PRDM7: variants seen among roughly 807,000 people sequenced by gnomAD.
PRDM7 encodes PR/SET domain 7.
A neutral mutation model predicts 64.3 loss-of-function variants in PRDM7; 52 were observed. The ratio of observed to expected loss-of-function variants is 0.81; its 90% CI spans 0.65 to 1.02. The LOEUF is 1.02. PRDM7 is among the 50% of genes least tolerant of loss of function. PRDM7 has a pLI of 0.00. For missense variants in PRDM7, 574 were observed against 597.1 expected, an observed-to-expected ratio of 0.96 and a Z score of 0.40; for synonymous variants, 192 against 210.1, an observed-to-expected ratio of 0.91 and a Z score of 0.74.
chr16:90,063,834 A>C lies in PRDM7; in HGVS notation c.352-66T>G, dbSNP rs570378000. 1.2e-5 allele frequency: 19 copies of C among 1,552,896 alleles called. No individual in the cohort carries two copies. The Admixed American group carries it at 3.5e-4, about 28-fold the overall frequency. On this transcript the variant is annotated intron_variant, in intron 5 of 10. Coordinates refer to ENST00000449207, the MANE Select transcript of PRDM7 (RefSeq NM_001098173.2). ...TATTTAGTTCTTTACGGCTTGCAAC[A>C]TGTTTTCATATGACTGTAGTTAATG... is the stretch of plus-strand genomic sequence containing the variant.
intron 5 of PRDM7, among the ~76,000 whole-genome samples, chr16:90,066,491 C>T (rs566506649): frequency 1.3e-5 from 2 of 151,224 alleles, no homozygotes; most frequent in East Asian, 3.9e-4. Context: ...TAGACTGCAC[C>T]AACACTGAAT....
chr16:90,062,614 A>C (rs1327406432), intron 6 of PRDM7, 112 bp from the exon 7 acceptor site: 1 of 955,884 alleles, frequency 1.0e-6, no homozygotes, highest in Non-Finnish European at 1.7e-6. Context: ...CTTTCTACAT[A>C]CTCTAGTCTC....
Position 90,057,821 on chromosome 16 carries a change from G to A in PRDM7, c.*468C>T, listed in dbSNP as rs988126169. 4.2e-6 allele frequency: 6 copies of A among 1,444,418 alleles called. No homozygotes were observed. The highest frequency in any genetic ancestry group is 5.6e-6 in the Non-Finnish European group (6 of 1,074,030). The allele number at this position is 1,444,418 out of a possible 1,614,324, so 89.5% of individuals were successfully genotyped here. On this transcript the variant is annotated 3_prime_UTR_variant, in exon 11 of 11. Transcript: ENST00000449207. The stretch of plus-strand genomic sequence containing the variant: ...GTCTTCTTGTGGCTATTGAGATAAG[G>A]TTTTATTACTAATGACTTACTCATC...
chr16:90,069,704 C>T (rs566399338), intron 4 of PRDM7, among the ~76,000 whole-genome samples: 5 of 150,896 alleles, frequency 3.3e-5, no homozygotes, highest in Admixed American at 6.6e-5. Context: ...CCCAGGAGTT[C>T]GAGACCAGCC....
At chr16:90,061,244 C>T (rs2037771248) in intron 9 of PRDM7, among the ~76,000 whole-genome samples, 1 of 152,156 alleles carries the variant, frequency 6.6e-6, no homozygotes, top group Non-Finnish European at 1.5e-5. Flanking sequence ...GTCTAGCATA[C>T]ATATTTGTGT....
intron 10 of PRDM7, 28 bp from the exon 11 acceptor site, chr16:90,058,562 A>G: frequency 6.2e-7 from 1 of 1,607,052 alleles, no homozygotes; most frequent in Non-Finnish European, 8.5e-7. Context: ...TGGTCAGGGT[A>G]GATGTTTTGT....
intron 4 of PRDM7, chr16:90,070,123 T>C (rs190963339): frequency 1.3e-5 from 2 of 151,820 alleles, no homozygotes; most frequent in Admixed American, 6.6e-5. Context: ...AGAACTCCTA[T>C]AATACAACAA....
intron 4 of PRDM7, among the ~76,000 whole-genome samples, chr16:90,071,960 C>A (rs145810258): frequency 0.03 from 4,600 of 152,200 alleles, 166 homozygotes; most frequent in African/African-American, 0.083. Flanking sequence ...CGGGAGGCCG[C>A]GGCAGGCGGA....
intron 4 of PRDM7, among the ~76,000 whole-genome samples, chr16:90,070,904 G>T (rs1055602747): frequency 1.3e-5 from 2 of 152,158 alleles, no homozygotes. Flanking sequence ...TACATAAATG[G>T]CCAAGAAGCA....
chr16:90,062,827 G>A (rs2037805410), intron 6 of PRDM7, among the ~76,000 whole-genome samples: 1 of 152,116 alleles, frequency 6.6e-6, no homozygotes, highest in Non-Finnish European at 1.5e-5. Context: ...CAAAGGCCTG[G>A]ACATACAACA....
rs371622874 is a variant in PRDM7, at chr16:90,062,461, G to A, written c.550C>T (p.Arg184Ter). 2.0e-5 allele frequency: 32 copies of A among 1,613,894 alleles called. No individual in the cohort carries two copies. The highest frequency in any genetic ancestry group is 2.2e-5 in the East Asian group (1 of 44,884). The part of the protein sequence containing the change: ...KETEGKMYSL[R>*]ERKGHAYKEI... ...TTGTATGCATGACCCTTTCTTTCTCGCAGGCTATACATCTTTCCTTCAGTC... is the reference window on the plus strand; with the variant it reads ...TTGTATGCATGACCCTTTCTTTCTCACAGGCTATACATCTTTCCTTCAGTC... The change falls in exon 7 of 11, where the codon CGA (arginine) becomes TGA (stop). Residue 184 changes from arginine to a stop codon, truncating the protein, a stop_gained. Transcript: ENST00000449207. LOFTEE classifies it high-confidence loss of function.
At chr16:90,076,626 T>C (rs1050195813) in intron 1 of PRDM7, among the ~76,000 whole-genome samples, 1 of 151,882 alleles carries the variant, frequency 6.6e-6, no homozygotes, top group African/African-American at 2.4e-5. Context: ...CTCAGGCTGA[T>C]AGTATTTGTG....
chr16:90,073,969 A>G (rs2037998412), intron 4 of PRDM7, among the ~76,000 whole-genome samples: 1 of 151,764 alleles, frequency 6.6e-6, no homozygotes, highest in South Asian at 2.1e-4. Flanking sequence ...CATTTTTAAT[A>G]GAGATGGGGT....
Position 90,075,249 on chromosome 16 carries a change from G to T in PRDM7, c.193+102C>A, listed in dbSNP as rs2038019390. The T allele has an allele frequency of 6.3e-7, 1 of 1,586,002 alleles. No individual in the cohort carries two copies. The highest frequency in any genetic ancestry group is 8.6e-7 in the Non-Finnish European group (1 of 1,156,944). ...TCCAGATTTGTCTCCGTGCAAAAGGGAATTGTGGGCAGATGCCGCCACCTG... is the reference window on the plus strand; with the variant it reads ...TCCAGATTTGTCTCCGTGCAAAAGGTAATTGTGGGCAGATGCCGCCACCTG... On this transcript the variant is annotated intron_variant, in intron 3 of 10. Transcript: ENST00000449207. This position sits in a 1 kb window ranked among gnomAD's most constrained non-coding sequence, Gnocchi z 4.3.
chr16:90,070,752 A>AT (rs1216191152), intron 4 of PRDM7, among the ~76,000 whole-genome samples: 3 of 152,132 alleles, frequency 2.0e-5, no homozygotes, highest in Non-Finnish European at 2.9e-5. Flanking sequence ...TGGCACTCTG[A>AT]TTTTTTACTA....
At chr16:90,059,062 G>A (rs1217341716) in intron 10 of PRDM7, among the ~76,000 whole-genome samples, 2 of 152,192 alleles carry the variant, frequency 1.3e-5, no homozygotes, top group African/African-American at 2.4e-5. Context: ...CCACAAATGT[G>A]GTTAAAGAGA....
chr16:90,064,339 GAATAAGGGTGTATTGTTAGCTAATTTC>G, intron 5 of PRDM7, among the ~76,000 whole-genome samples: 2 of 152,162 alleles, frequency 1.3e-5, no homozygotes, highest in East Asian at 3.8e-4. Flanking sequence ...TTGTCTGCTT[GAATAAGGGTGTATTGTTAGCTAATTTC>G]TCTTTAGTTT....
At chr16:90,066,804 C>A in intron 5 of PRDM7, 57 bp downstream of exon 5, 3 of 1,439,578 alleles carry the variant, frequency 2.1e-6, no homozygotes, top group Non-Finnish European at 2.9e-6. Context: ...CCTTCTCTTA[C>A]CTGTATTTGG....
Position 90,058,168 on chromosome 16 carries a change from A to G in PRDM7, c.*121T>C. ...TAATTTGCCTGTGTTCCCTGGATTC[A>G]CTTTCTGGCCTGTTCTGGACTCTTC... On this transcript the variant is annotated 3_prime_UTR_variant, in exon 11 of 11. Transcript: ENST00000449207. 2.5e-6 allele frequency: 4 copies of G among 1,614,092 alleles called. No homozygotes were observed. The highest frequency in any genetic ancestry group is 3.4e-6 in the Non-Finnish European group (4 of 1,180,014).
Sources: gnomAD v4.1 joint callset for allele counts (sites outside exome capture counted in the v4.1 genomes callset) on GRCh38, gnomAD v4.1.1 for gene constraint, Gnocchi (gnomAD v3.1) non-coding constraint, MANE v1.5 for transcripts, NCBI Gene and HGNC (gene_info 2026-07-23, HGNC 2026-07-21) for gene names.